The following CHKA variants were observed in gnomAD, a reference collection of about 807,000 sequenced individuals.
The protein encoded by CHKA is choline kinase alpha, also known as CHETK-alpha.
Under a neutral mutation model 60.1 loss-of-function variants are expected in CHKA, and 34 were observed. That is an observed-to-expected ratio of 0.57 (90% CI 0.43 to 0.75). The LOEUF (loss-of-function observed/expected upper bound fraction) is 0.75, where lower values mean the gene tolerates loss of function less well. Ranked by LOEUF, CHKA falls within the 30% of genes least tolerant of loss-of-function variation. CHKA has a pLI of 0.00. For synonymous variants in CHKA, 217 were observed against 223.1 expected (o/e 0.97, Z 0.24); for missense variants, 563 against 561.3 (o/e 1.00, Z -0.03).
At chr11:68,065,257 AG>A (rs1164697455) in intron 9 of CHKA, among the ~76,000 whole-genome samples, 1 of 152,250 alleles carries the variant, frequency 6.6e-6, no homozygotes, top group Non-Finnish European at 1.5e-5. Flanking sequence ...GGAACTACAA[AG>A]GATGACAAAG....
chr11:68,061,906 C>T, intron 11 of CHKA, 47 bp downstream of exon 11: 1 of 1,285,566 alleles, frequency 7.8e-7, no homozygotes, highest in Non-Finnish European at 1.1e-6. Context: ...GCATTTTTAC[C>T]TGGGAGTAGG....
chr11:68,090,123 C>A (rs1267140857), intron 2 of CHKA, among the ~76,000 whole-genome samples: 1 of 152,108 alleles, frequency 6.6e-6, no homozygotes, highest in Non-Finnish European at 1.5e-5. Context: ...ATTTGGTTAT[C>A]AAAAGAAGGC....
In CHKA at chr11:68,070,173, T is replaced by C. The variant is rs777752018; in HGVS notation, c.869+16A>G. 16 of 1,562,654 alleles carry C rather than the reference T, an allele frequency of 1.0e-5. No homozygotes were observed. Among genetic ancestry groups the C allele is most frequent in the South Asian group, 6.7e-5 (6 of 89,716 alleles). ...ACTAAGAATATTTAAAGTCAGGAAA[T>C]AGAAGGAAAACTCACCTCAGGTTTT... On this transcript the variant is annotated intron_variant, in intron 6 of 11. Transcript: ENST00000265689.
intron 1 of CHKA, among the ~76,000 whole-genome samples, chr11:68,116,830 T>C (rs560520193): frequency 1.1e-4 from 17 of 152,316 alleles, no homozygotes; most frequent in African/African-American, 4.1e-4. Flanking sequence ...ATTTTCTAAG[T>C]GGTCAGCTCA....
chr11:68,061,832 T>C (rs779436260), intron 11 of CHKA, 121 bp downstream of exon 11: 3 of 765,582 alleles, frequency 3.9e-6, no homozygotes, highest in East Asian at 2.8e-5. Flanking sequence ...ATTCGGGTAC[T>C]TGGGGAGACA....
chr11:68,087,463 T>C (rs140420638), intron 2 of CHKA, among the ~76,000 whole-genome samples: 228 of 151,910 alleles, frequency 1.5e-3, no homozygotes, highest in African/African-American at 5.0e-3. Context: ...GCCTGGGCAA[T>C]AGAGTGAGAC....
chr11:68,065,038 T>C (rs1856394690), intron 9 of CHKA, among the ~76,000 whole-genome samples: 1 of 152,142 alleles, frequency 6.6e-6, no homozygotes, highest in Non-Finnish European at 1.5e-5. Flanking sequence ...GAGAACTGAT[T>C]CTCCACACAA....
chr11:68,059,752 G>A (rs549179551), intron 11 of CHKA, among the ~76,000 whole-genome samples: 1 of 152,126 alleles, frequency 6.6e-6, no homozygotes, highest in Non-Finnish European at 1.5e-5. Context: ...AACATATCCA[G>A]TATTATTTCA....
At chr11:68,067,088 G>T (rs1856467953) in intron 7 of CHKA, among the ~76,000 whole-genome samples, 1 of 152,154 alleles carries the variant, frequency 6.6e-6, no homozygotes, top group Non-Finnish European at 1.5e-5. Flanking sequence ...TGGATTCTGG[G>T]TCAGGAGTTG....
At chr11:68,066,009 G>T in intron 8 of CHKA, 115 bp from the exon 9 acceptor site, 1 of 675,160 alleles carries the variant, frequency 1.5e-6, no homozygotes, top group South Asian at 1.9e-5. Context: ...GTTGCCATCT[G>T]GACTTGCTGA....
chr11:68,078,758 C>A (rs1856872721), intron 3 of CHKA, among the ~76,000 whole-genome samples: 2 of 152,000 alleles, frequency 1.3e-5, no homozygotes, highest in Admixed American at 6.6e-5. Context: ...GTACTCTTCA[C>A]AAGTATAAAG....
chr11:68,061,250 G>T (rs944006809), intron 11 of CHKA, among the ~76,000 whole-genome samples: 9 of 151,950 alleles, frequency 5.9e-5, no homozygotes, highest in African/African-American at 2.2e-4. Context: ...GGGATTACAG[G>T]CGCCCGCCAC....
intron 11 of CHKA, among the ~76,000 whole-genome samples, chr11:68,056,440 G>A (rs1413212847): frequency 2.0e-5 from 3 of 152,188 alleles, no homozygotes; most frequent in African/African-American, 4.8e-5. Context: ...AGAGAAGCCC[G>A]AAGAACCTGG....
intron 4 of CHKA, among the ~76,000 whole-genome samples, chr11:68,072,844 A>C (rs1433538352): frequency 1.3e-5 from 2 of 152,092 alleles, no homozygotes; most frequent in Non-Finnish European, 2.9e-5. Flanking sequence ...AAAAATTTTT[A>C]ATAAGCTGGG....
chr11:68,069,588 G>C (rs1856550172), intron 6 of CHKA, among the ~76,000 whole-genome samples: 1 of 152,018 alleles, frequency 6.6e-6, no homozygotes, highest in African/African-American at 2.4e-5. Flanking sequence ...GGAGGCTGAG[G>C]CAGGAGAATC....
At position 68,076,015 on chromosome 11, in the gene CHKA, T is replaced by C. The variant is rs1017033648; in HGVS notation, c.517-1185A>G. ...CTTATTAGGAAATGATACAGTACTA[T>C]AGTAAGAAGAAAACAAAAAAGAAAA... On this transcript the variant is annotated intron_variant, in intron 3 of 11. Coordinates refer to ENST00000265689, the MANE Select transcript of CHKA (RefSeq NM_001277.3). 5.9e-5 allele frequency among the ~76,000 whole-genome samples: 9 copies of C among 152,140 alleles called. No individual in the cohort carries two copies. In the East Asian group the frequency reaches 1.5e-3, roughly 26 times the overall value.
At chr11:68,077,592 A>G (rs1856835393) in intron 3 of CHKA, among the ~76,000 whole-genome samples, 1 of 152,218 alleles carries the variant, frequency 6.6e-6, no homozygotes, top group Non-Finnish European at 1.5e-5. Flanking sequence ...AATGTCTACT[A>G]TGTCCTGGCA....
intron 1 of CHKA, among the ~76,000 whole-genome samples, chr11:68,104,920 C>T (rs934634075): frequency 1.3e-5 from 2 of 151,062 alleles, no homozygotes; most frequent in Non-Finnish European, 3.0e-5. Flanking sequence ...GCCTGATCAA[C>T]ATGGTGAAAC....
At chr11:68,116,732 G>C (rs1278696168) in intron 1 of CHKA, among the ~76,000 whole-genome samples, 1 of 151,554 alleles carries the variant, frequency 6.6e-6, no homozygotes, top group African/African-American at 2.4e-5. Context: ...AAAAAAGAAA[G>C]AAAGAAAGAA....
Sources: gnomAD v4.1 joint callset for allele counts (sites outside exome capture counted in the v4.1 genomes callset) on GRCh38, gnomAD v4.1.1 for gene constraint, MANE v1.5 for transcripts, NCBI Gene and HGNC (gene_info 2026-07-23, HGNC 2026-07-21) for gene names.